Variants in CDKN2B observed in about 807,000 individuals in gnomAD.
CDKN2B encodes cyclin dependent kinase inhibitor 2B.
Under a neutral mutation model 7.7 loss-of-function variants are expected in CDKN2B, and 8 were observed. The observed-to-expected ratio is 1.04, with a 90% confidence interval of 0.61 to 1.87. The LOEUF (loss-of-function observed/expected upper bound fraction) is 1.87, where lower values mean the gene tolerates loss of function less well. CDKN2B is among the 40% of genes most tolerant of loss of function. CDKN2B has a pLI of 0.00. For synonymous variants in CDKN2B, 93 were observed against 95.8 expected (o/e 0.97, Z 0.17); for missense variants, 244 against 213.1 (o/e 1.15, Z -0.90).
Position 22,006,337 on chromosome 9 carries a change from A to C in CDKN2B, c.157-90T>G. On this transcript the variant is annotated intron_variant, in intron 1 of 1. Transcript: ENST00000276925. This position sits in a 1 kb window ranked among gnomAD's most constrained non-coding sequence, Gnocchi z 6.4. Reference sequence around the variant, plus strand: ...CAAGGCAGGTGGAGCCATTTAAAGAAACACCTAATTGCAAAGTTTTCACCC... The same window carrying C: ...CAAGGCAGGTGGAGCCATTTAAAGACACACCTAATTGCAAAGTTTTCACCC... 1 of 1,550,782 alleles carries C rather than the reference A, an allele frequency of 6.4e-7. No individual in the cohort carries two copies. The highest frequency in any genetic ancestry group is 8.7e-7 in the Non-Finnish European group (1 of 1,146,912).
chr9:22,008,763 G>A, intron 1 of CDKN2B, 35 bp downstream of exon 1: 1 of 1,609,518 alleles, frequency 6.2e-7, no homozygotes, highest in East Asian at 2.2e-5. Context: ...GCGTTCGCGC[G>A]CCCCCTGCCG....
intron 1 of CDKN2B, among the ~76,000 whole-genome samples, chr9:22,007,435 A>T (rs1490525100): frequency 6.6e-6 from 1 of 152,214 alleles, no homozygotes; most frequent in Non-Finnish European, 1.5e-5. Context: ...TAACTTAGAA[A>T]AAATGATGTT....
Position 22,006,103 on chromosome 9 carries a change from G to A in CDKN2B, c.301C>T (p.Arg101Trp), listed in dbSNP as rs967713185. The change falls in exon 2 of 2, where the codon CGG (arginine) becomes TGG (tryptophan). Residue 101 changes from arginine (R) to tryptophan (W), a missense_variant. Arg to Trp is a moderately radical substitution (Grantham distance 101). Transcript: ENST00000276925. The surrounding 1 kb of genome is among the most constrained non-coding windows in gnomAD (Gnocchi z 6.4). ...CGCACGTCCAGCCGCGCCCCGGCCCGGTGCAGCACCACCAGCGTGTCCAGG... is the reference window on the plus strand; with the variant it reads ...CGCACGTCCAGCCGCGCCCCGGCCCAGTGCAGCACCACCAGCGTGTCCAGG... ...GFLDTLVVLH[R>W]AGARLDVRDA... is the part of the protein sequence containing the mutation. 6.2e-7 allele frequency: 1 copy of A among 1,609,508 alleles called. No individual in the cohort carries two copies.
chr9:22,005,226 C>G lies in CDKN2B; in HGVS notation c.*761G>C, dbSNP rs1224848100. The G allele has an allele frequency of 4.3e-6, 1 of 233,476 alleles. No individual in the cohort carries two copies. Among genetic ancestry groups the G allele is most frequent in the Admixed American group, 5.6e-5 (1 of 17,804 alleles). The allele number at this position is 233,476 out of a possible 1,614,324, so 14.5% of individuals were successfully genotyped here. A position where few individuals can be genotyped will look rare whatever the true frequency, so the allele number is the denominator to read the frequency against. ...CTGTGTAGTCTGCCTGCGGAACCCGCGGGAATCTCTCCTCAGTGTAGTAAG... is the reference window on the plus strand; with the variant it reads ...CTGTGTAGTCTGCCTGCGGAACCCGGGGGAATCTCTCCTCAGTGTAGTAAG... On this transcript the variant is annotated 3_prime_UTR_variant, in exon 2 of 2. Transcript: ENST00000276925. The surrounding 1 kb of genome is among the most constrained non-coding windows in gnomAD (Gnocchi z 4.9).
At position 22,005,056 on chromosome 9, in the gene CDKN2B, C is replaced by G. The variant is rs2072070555; in HGVS notation, c.*931G>C. ...ACAGTTGCTGAACAACTAAAAAGTACAAAATATCACAAAATCAAAAAGTAG... is the reference window on the plus strand; with the variant it reads ...ACAGTTGCTGAACAACTAAAAAGTAGAAAATATCACAAAATCAAAAAGTAG... On this transcript the variant is annotated 3_prime_UTR_variant, in exon 2 of 2. Transcript: ENST00000276925. The surrounding 1 kb of genome is among the most constrained non-coding windows in gnomAD (Gnocchi z 4.9). 4.3e-6 allele frequency: 1 copy of G among 232,902 alleles called. No individual in the cohort carries two copies. The highest frequency in any genetic ancestry group is 2.2e-5 in the African/African-American group (1 of 45,216). The allele number at this position is 232,902 out of a possible 1,614,324, so 14.4% of individuals were successfully genotyped here.
chr9:22,009,035 G>A lies in CDKN2B; in HGVS notation c.-82C>T. 6.3e-7 allele frequency: 1 copy of A among 1,585,920 alleles called. No homozygotes were observed. Among genetic ancestry groups the A allele is most frequent in the South Asian group, 1.1e-5 (1 of 90,204 alleles). ...ACGACACTCTTCCCTTCTTTCCCAC[G>A]CTGCTCCGGCGCACTCTCTCCTTCC... On this transcript the variant is annotated 5_prime_UTR_variant, in exon 1 of 2. Coordinates refer to ENST00000276925, the MANE Select transcript of CDKN2B (RefSeq NM_004936.4).
chr9:22,008,662 G>A (rs1821316481), intron 1 of CDKN2B, 136 bp downstream of exon 1: 7 of 1,605,050 alleles, frequency 4.4e-6, no homozygotes, highest in African/African-American at 2.7e-5. Flanking sequence ...TGTTTTACGC[G>A]TGGAATGCAC....
chr9:22,003,748 G>T lies in CDKN2B; in HGVS notation c.*2239C>A, dbSNP rs1821034780. 1 of 232,030 alleles carries T rather than the reference G, an allele frequency of 4.3e-6. No homozygotes were observed. The highest frequency in any genetic ancestry group is 2.2e-5 in the African/African-American group (1 of 45,228). 14.4% of individuals were successfully genotyped at this position (232,030 alleles called of 1,614,324 possible). On this transcript the variant is annotated 3_prime_UTR_variant, in exon 2 of 2. Coordinates refer to ENST00000276925, the MANE Select transcript of CDKN2B (RefSeq NM_004936.4). ...CAAAAATTTGGGTTTTTATAGGTGT[G>T]TTGGGGGGGGTTATTCTCCATATTG...
rs1821083260 is a variant in CDKN2B, at chr9:22,004,778, C to T, written c.*1209G>A. On this transcript the variant is annotated 3_prime_UTR_variant, in exon 2 of 2. Transcript: ENST00000276925. Reference sequence around the variant, plus strand: ...TTGGGAACTATCCCAAGATAATTTACTGCATAAGTGCATCTATCTTCTAAA... The same window carrying T: ...TTGGGAACTATCCCAAGATAATTTATTGCATAAGTGCATCTATCTTCTAAA... 4.3e-6 allele frequency: 1 copy of T among 233,030 alleles called. No individual in the cohort carries two copies. Among genetic ancestry groups the T allele is most frequent in the Non-Finnish European group, 8.5e-6 (1 of 117,988 alleles). 14.4% of individuals were successfully genotyped at this position (233,030 alleles called of 1,614,324 possible).
chr9:22,006,317 C>A lies in CDKN2B; in HGVS notation c.157-70G>T, dbSNP rs1485551141. ...ATGGGAGATGCCGGCCGGGGCAAGG[C>A]AGGTGGAGCCATTTAAAGAAACACC... is the stretch of plus-strand genomic sequence containing the variant. On this transcript the variant is annotated intron_variant, in intron 1 of 1. Transcript: ENST00000276925. This position sits in a 1 kb window ranked among gnomAD's most constrained non-coding sequence, Gnocchi z 6.4. 1 of 1,588,668 alleles carries A rather than the reference C, an allele frequency of 6.3e-7. No homozygotes were observed.
rs1309751516 is a variant in CDKN2B at position 22,004,651 on chromosome 9, C to T, written c.*1336G>A. ...ATCAAGCAACCCTGGAAATTAAATC[C>T]CAAAGCAGTGCACCTTTAGTTTGTT... On this transcript the variant is annotated 3_prime_UTR_variant, in exon 2 of 2. Transcript: ENST00000276925. 8.6e-6 allele frequency: 2 copies of T among 232,410 alleles called. No individual in the cohort carries two copies. Among genetic ancestry groups the T allele is most frequent in the East Asian group, 6.1e-5 (1 of 16,424 alleles). 14.4% of individuals were successfully genotyped at this position (232,410 alleles called of 1,614,324 possible).
At chr9:22,008,169 G>A (rs757921635) in intron 1 of CDKN2B, among the ~76,000 whole-genome samples, 1 of 152,156 alleles carries the variant, frequency 6.6e-6, no homozygotes, top group South Asian at 2.1e-4. Flanking sequence ...CCTAACAGTT[G>A]CTGCAGGAAT....
chr9:22,007,118 G>A (rs985426078), intron 1 of CDKN2B, among the ~76,000 whole-genome samples: 4 of 152,140 alleles, frequency 2.6e-5, no homozygotes, highest in African/African-American at 9.7e-5. Flanking sequence ...CCAGCACTTT[G>A]GGAGGCCATA....
At position 22,005,816 on chromosome 9, in the gene CDKN2B, G is replaced by A; in HGVS notation, c.*171C>T. 1 of 807,140 alleles carries A rather than the reference G, an allele frequency of 1.2e-6. No homozygotes were observed. Among genetic ancestry groups the A allele is most frequent in the Non-Finnish European group, 2.0e-6 (1 of 506,730 alleles). 50.0% of individuals were successfully genotyped at this position (807,140 alleles called of 1,614,324 possible). Reference sequence around the variant, plus strand: ...GGCCAGATAAGACAAAGAAAAAAATGTATGGAAGGTTATTCCCGGTCGGCT... The same window carrying A: ...GGCCAGATAAGACAAAGAAAAAAATATATGGAAGGTTATTCCCGGTCGGCT... On this transcript the variant is annotated 3_prime_UTR_variant, in exon 2 of 2. Transcript: ENST00000276925. The surrounding 1 kb of genome is among the most constrained non-coding windows in gnomAD (Gnocchi z 4.9).
rs754200597 is a variant in CDKN2B at position 22,008,892 on chromosome 9, G to T, written c.62C>A (p.Ala21Asp). Residue 21 changes from alanine to aspartate, a missense_variant, in exon 1 of 2, where the codon GCC becomes GAC. Ala to Asp is a moderately radical substitution (Grantham distance 126). Transcript: ENST00000276925. The part of the protein sequence containing the change: ...GGGSDEGLAS[A>D]AARGLVEKVR... ...CTTCTCCACTAGTCCCCGCGCCGCG[G>T]CGCTGGCCAGACCCTCATCGCTGCC... 1 of 1,612,538 alleles carries T rather than the reference G, an allele frequency of 6.2e-7. No homozygotes were observed. The highest frequency in any genetic ancestry group is 1.3e-5 in the African/African-American group (1 of 74,940).
At position 22,006,141 on chromosome 9, in the gene CDKN2B, G is replaced by A. The variant is rs1349763410; in HGVS notation, c.263C>T (p.Ala88Val). 8.1e-6 allele frequency: 13 copies of A among 1,611,406 alleles called. No homozygotes were observed. The change falls in exon 2 of 2, where the codon GCC (alanine) becomes GTC (valine). Residue 88 changes from alanine (A) to valine (V), a missense_variant. Ala to Val is a moderately conservative substitution (Grantham distance 64, BLOSUM62 0). Coordinates refer to ENST00000276925, the MANE Select transcript of CDKN2B (RefSeq NM_004936.4). This position sits in a 1 kb window ranked among gnomAD's most constrained non-coding sequence, Gnocchi z 6.4. The stretch of plus-strand genomic sequence containing the variant: ...CAGCGTGTCCAGGAAGCCCTCCCGG[G>A]CAGCATCATGCACCGGTCGGGTGAG... ...ATLTRPVHDAAREGFLDTLVV... is the reference protein window; with the variant it reads ...ATLTRPVHDAVREGFLDTLVV...
chr9:22,006,338 A>T lies in CDKN2B; in HGVS notation c.157-91T>A. 2 of 1,548,836 alleles carry T rather than the reference A, an allele frequency of 1.3e-6. No homozygotes were observed. ...AAGGCAGGTGGAGCCATTTAAAGAA[A>T]CACCTAATTGCAAAGTTTTCACCCA... On this transcript the variant is annotated intron_variant, in intron 1 of 1. Coordinates refer to ENST00000276925, the MANE Select transcript of CDKN2B (RefSeq NM_004936.4). This position sits in a 1 kb window ranked among gnomAD's most constrained non-coding sequence, Gnocchi z 6.4.
rs1051820544 is a variant in CDKN2B, at chr9:22,009,105, G to A, written c.-152C>T. 3 of 1,211,910 alleles carry A rather than the reference G, an allele frequency of 2.5e-6. No homozygotes were observed. Among genetic ancestry groups the A allele is most frequent in the African/African-American group, 1.5e-5 (1 of 66,680 alleles). The allele number at this position is 1,211,910 out of a possible 1,614,324, so 75.1% of individuals were successfully genotyped here. A position where few individuals can be genotyped will look rare whatever the true frequency, so the allele number is the denominator to read the frequency against. On this transcript the variant is annotated 5_prime_UTR_variant, in exon 1 of 2. Coordinates refer to ENST00000276925, the MANE Select transcript of CDKN2B (RefSeq NM_004936.4). ...TTCATTACCCTCCCGTCGTCCTTCT[G>A]CGGCTTGGGGCCCCGTGCAGTGGCC...
rs756525134 is a variant in CDKN2B at position 22,006,085 on chromosome 9, C to A, written c.319G>T (p.Asp107Tyr). 11 of 1,607,704 alleles carry A rather than the reference C, an allele frequency of 6.8e-6. No homozygotes were observed. The highest frequency in any genetic ancestry group is 8.5e-6 in the Non-Finnish European group (10 of 1,179,688). Residue 107 changes from aspartate (D) to tyrosine (Y), a missense_variant, in exon 2 of 2, where the codon GAC becomes TAC. By Grantham distance (160) the Asp-to-Tyr change is radical. Transcript: ENST00000276925. The surrounding 1 kb of genome is among the most constrained non-coding windows in gnomAD (Gnocchi z 6.4). ...AGACGACCCCAGGCATCGCGCACGTCCAGCCGCGCCCCGGCCCGGTGCAGC... is the reference window on the plus strand; with the variant it reads ...AGACGACCCCAGGCATCGCGCACGTACAGCCGCGCCCCGGCCCGGTGCAGC... ...VVLHRAGARL[D>Y]VRDAWGRLPV...
Sources: allele counts gnomAD v4.1 joint callset (sites outside exome capture counted in the v4.1 genomes callset), GRCh38; gene constraint gnomAD v4.1.1; non-coding constraint Gnocchi (gnomAD v3.1); transcripts MANE v1.5; gene names NCBI Gene and HGNC (gene_info 2026-07-23, HGNC 2026-07-21).